The following EYA1 variants were observed in gnomAD, a reference collection of about 807,000 sequenced individuals.
EYA1 encodes EYA transcriptional coactivator and phosphatase 1.
In EYA1, 16 loss-of-function variants were observed where a neutral mutation model predicts 82.0. The observed-to-expected ratio is 0.20, with a 90% CI of 0.13 to 0.30. The LOEUF (loss-of-function observed/expected upper bound fraction) is 0.30, where lower values mean the gene tolerates loss of function less well. EYA1 is among the 10% of genes least tolerant of loss of function. EYA1 has a pLI of 1.00. For synonymous variants in EYA1, 261 were observed against 264.4 expected (o/e 0.99, Z 0.12); for missense variants, 633 against 730.7 (o/e 0.87, Z 1.54).
chr8:71,219,724 A>G (rs1337137272), intron 12 of EYA1, among the ~76,000 whole-genome samples: 2 of 152,224 alleles, frequency 1.3e-5, no homozygotes, highest in African/African-American at 2.4e-5. Context: ...AGATACTGCA[A>G]TATTCCACAG....
intron 2 of EYA1, among the ~76,000 whole-genome samples, chr8:71,516,164 C>T (rs997431988): frequency 2.6e-5 from 4 of 152,154 alleles, no homozygotes; most frequent in African/African-American, 9.7e-5. Context: ...TTTGTCTTTT[C>T]TCATGTACTC....
chr8:71,525,174 A>C (rs564616860), intron 2 of EYA1, among the ~76,000 whole-genome samples: 286 of 152,334 alleles, frequency 1.9e-3, no homozygotes, highest in Non-Finnish European at 3.4e-3. Context: ...CTCCAACACA[A>C]GCGTTCCATC....
intron 2 of EYA1, among the ~76,000 whole-genome samples, chr8:71,508,147 C>G (rs886116464): frequency 2.0e-5 from 3 of 152,160 alleles, no homozygotes; most frequent in African/African-American, 7.2e-5. Context: ...GCACTTTCTC[C>G]TTCGTTTGAG....
upstream of EYA1, among the ~76,000 whole-genome samples, chr8:71,364,786 T>C (rs2129083043): frequency 6.6e-6 from 1 of 151,730 alleles, no homozygotes; most frequent in Middle Eastern, 3.4e-3. Context: ...AGGAGACAGT[T>C]GATCTTTCAT....
intron 4 of EYA1, 118 bp downstream of exon 4, chr8:71,333,979 G>T (rs1397469193): frequency 1.3e-6 from 1 of 743,694 alleles, no homozygotes; most frequent in East Asian, 2.7e-5. Flanking sequence ...ACATAAGTAC[G>T]TATATACCCA....
At chr8:71,264,861 G>C (rs537224459) in intron 11 of EYA1, among the ~76,000 whole-genome samples, 1 of 152,016 alleles carries the variant, frequency 6.6e-6, no homozygotes, top group Non-Finnish European at 1.5e-5. Context: ...GGGATTACAC[G>C]CATAAACCAC....
chr8:71,247,221 C>T (rs1813214388), intron 11 of EYA1, among the ~76,000 whole-genome samples: 1 of 152,080 alleles, frequency 6.6e-6, no homozygotes, highest in Admixed American at 6.5e-5. Context: ...GCACTGCCCC[C>T]ACCTCTCCAG....
At chr8:71,494,022 CAAAAAAA>C (rs34340467) in intron 2 of EYA1, among the ~76,000 whole-genome samples, 5 of 41,874 alleles carry the variant, frequency 1.2e-4, no homozygotes, top group Admixed American at 3.4e-4. Context: ...GACTCCGTCT[CAAAAAAA>C]AAAAAAAAAA....
rs1425952024 is a variant in EYA1, at chr8:71,361,897, G to A, written c.-305C>T. The A allele has an allele frequency of 2.0e-6, 2 of 985,350 alleles. No individual in the cohort carries two copies. Among genetic ancestry groups the A allele is most frequent in the African/African-American group, 3.5e-5 (2 of 57,240 alleles). The allele number at this position is 985,350 out of a possible 1,614,324, so 61.0% of individuals were successfully genotyped here. A position where few individuals can be genotyped will look rare whatever the true frequency, so the allele number is the denominator to read the frequency against. ...GACTGAGCGAAAACGTGTTCCCCAG[G>A]AAGAAACCCGCCACAGTGGACGGCA... On this transcript the variant is annotated 5_prime_UTR_variant, in exon 1 of 18. Coordinates refer to ENST00000340726, the MANE Select transcript of EYA1 (RefSeq NM_000503.6).
At chr8:71,482,720 AC>A (rs1222560940) in intron 2 of EYA1, among the ~76,000 whole-genome samples, 3 of 152,240 alleles carry the variant, frequency 2.0e-5, no homozygotes, top group African/African-American at 7.2e-5. Context: ...CTACTGACAT[AC>A]ACGATAACAT....
chr8:71,224,621 T>TA (rs1363732505), intron 12 of EYA1, among the ~76,000 whole-genome samples: 2 of 152,252 alleles, frequency 1.3e-5, no homozygotes, highest in Admixed American at 1.3e-4. Context: ...TGGGTAGTTC[T>TA]AGTACTTTAG....
intron 2 of EYA1, among the ~76,000 whole-genome samples, chr8:71,473,472 G>A (rs1344927910): frequency 2.6e-5 from 4 of 152,036 alleles, no homozygotes; most frequent in African/African-American, 9.7e-5. Flanking sequence ...CTGGTCATTA[G>A]AGAAATGCAA....
chr8:71,364,860 T>TATATGA (rs1476202650), upstream of EYA1, among the ~76,000 whole-genome samples: 3 of 150,130 alleles, frequency 2.0e-5, no homozygotes, highest in East Asian at 5.8e-4. Flanking sequence ...CCTGCCTGGT[T>TATATGA]ATATGAAGGA....
At chr8:71,347,885 CAAAA>C (rs5892271) in intron 3 of EYA1, among the ~76,000 whole-genome samples, 39 of 80,874 alleles carry the variant, frequency 4.8e-4, no homozygotes, top group African/African-American at 1.5e-3. Context: ...TGGAGGCATG[CAAAA>C]AAAAAAAAAA....
chr8:71,307,583 C>T (rs758674026), intron 7 of EYA1, among the ~76,000 whole-genome samples: 1 of 152,182 alleles, frequency 6.6e-6, no homozygotes, highest in Non-Finnish European at 1.5e-5. Context: ...GACCTGTAAG[C>T]ACCTTCTGAA....
chr8:71,381,543 G>T (rs1165397048), intron 2 of EYA1, among the ~76,000 whole-genome samples: 4 of 152,148 alleles, frequency 2.6e-5, no homozygotes, highest in African/African-American at 9.7e-5. Context: ...ACCAAATCCT[G>T]AAGATTTTGG....
At chr8:71,520,228 G>A (rs1813292110) in intron 2 of EYA1, among the ~76,000 whole-genome samples, 1 of 150,136 alleles carries the variant, frequency 6.7e-6, no homozygotes, top group East Asian at 2.0e-4. Flanking sequence ...CCCCTCCACT[G>A]AGGCAGGAAG....
At chr8:71,478,737 G>A (rs1290800554) in intron 2 of EYA1, among the ~76,000 whole-genome samples, 1 of 152,152 alleles carries the variant, frequency 6.6e-6, no homozygotes, top group African/African-American at 2.4e-5. Context: ...GTCACAGGAG[G>A]CATGGGAGGC....
At chr8:71,269,948 CA>C (rs557498232) in intron 10 of EYA1, 125 bp from the exon 11 acceptor site, 95 of 739,244 alleles carry the variant, frequency 1.3e-4, no homozygotes, top group African/African-American at 7.3e-4. Context: ...TTTATTATTT[CA>C]AAAAAAACAC....
Sources: allele counts gnomAD v4.1 joint callset (sites outside exome capture counted in the v4.1 genomes callset), GRCh38; gene constraint gnomAD v4.1.1; transcripts MANE v1.5; gene names NCBI Gene and HGNC (gene_info 2026-07-23, HGNC 2026-07-21).